Variants in FAM193A observed in about 807,000 individuals in gnomAD.
The protein encoded by FAM193A is protein FAM193A.
In FAM193A, 22 loss-of-function variants were observed where a neutral mutation model predicts 126.5. That is an observed-to-expected ratio of 0.17 (90% confidence interval 0.12 to 0.25). The LOEUF is 0.25. FAM193A is among the 10% of genes least tolerant of loss of function. FAM193A has a pLI of 1.00. For synonymous variants in FAM193A, 761 were observed against 646.8 expected (o/e 1.18, Z -2.68); for missense variants, 1,675 against 1,672.8 (o/e 1.00, Z -0.02).
chr4:2,693,033 T>G (rs1000834264), intron 15 of FAM193A, among the ~76,000 whole-genome samples: 1 of 151,468 alleles, frequency 6.6e-6, no homozygotes, highest in African/African-American at 2.4e-5. Flanking sequence ...TGAGACACTG[T>G]CTCTTAGAAA....
In FAM193A at chr4:2,626,465, G is replaced by A; in HGVS notation, c.691G>A (p.Glu231Lys). Residue 231 changes from glutamate (E) to lysine (K), a missense_variant, in exon 4 of 21, where the codon GAA becomes AAA. By Grantham distance (56) the Glu-to-Lys change is moderately conservative. Coordinates refer to ENST00000637812, the MANE Select transcript of FAM193A (RefSeq NM_001366318.2). ...EPQQLQNYWS[E>K]VRYTVRCIYR... ...TCAGCAGCTGCAGAACTACTGGTCA[G>A]AAGTGCGCTACACGGTGCGCTGCAT... 1.4e-6 allele frequency: 1 copy of A among 702,256 alleles called. No homozygotes were observed. The highest frequency in any genetic ancestry group is 2.6e-6 in the Non-Finnish European group (1 of 384,448). The allele number at this position is 702,256 out of a possible 1,614,324, so 43.5% of individuals were successfully genotyped here.
intron 1 of FAM193A, among the ~76,000 whole-genome samples, chr4:2,594,314 A>T (rs2108904117): frequency 6.6e-6 from 1 of 152,242 alleles, no homozygotes. Flanking sequence ...CCAATCCGTT[A>T]TGTACAGTGG....
At chr4:2,684,194 CCTT>C (rs1177261912) in intron 13 of FAM193A, among the ~76,000 whole-genome samples, 3 of 151,960 alleles carry the variant, frequency 2.0e-5, no homozygotes, top group East Asian at 3.8e-4. Context: ...TGTTGTTAGA[CCTT>C]CTTCTGTTCT....
intron 20 of FAM193A, among the ~76,000 whole-genome samples, chr4:2,718,017 C>G (rs900788775): frequency 1.3e-5 from 2 of 151,992 alleles, no homozygotes; most frequent in South Asian, 4.1e-4. Context: ...TGAAAACCTG[C>G]GGGATATCGA....
At chr4:2,646,183 T>C (rs1246176441) in intron 6 of FAM193A, among the ~76,000 whole-genome samples, 1 of 78,734 alleles carries the variant, frequency 1.3e-5, no homozygotes, top group Non-Finnish European at 2.7e-5. Context: ...TTTTTTTTTT[T>C]TTTTGAGACA....
chr4:2,696,683 A>ACCTCCTGTGGCT, intron 18 of FAM193A, 90 bp downstream of exon 18: 1 of 983,308 alleles, frequency 1.0e-6, no homozygotes, highest in Non-Finnish European at 1.5e-6. Flanking sequence ...GGGCTGAGCC[A>ACCTCCTGTGGCT]CAGGAGGTCG....
chr4:2,662,804 A>AT, intron 10 of FAM193A, 34 bp from the exon 11 acceptor site: 1 of 1,570,868 alleles, frequency 6.4e-7, no homozygotes, highest in Non-Finnish European at 8.7e-7. Flanking sequence ...TCACAATTGA[A>AT]TGACCTCACA....
intron 20 of FAM193A, among the ~76,000 whole-genome samples, chr4:2,725,730 A>AGG (rs766986759): frequency 5.3e-5 from 8 of 149,642 alleles, no homozygotes; most frequent in Non-Finnish European, 1.0e-4. Context: ...TTTTTTTTTA[A>AGG]GGCAATAGTC....
chr4:2,631,194 TTC>T, intron 5 of FAM193A, 25 bp downstream of exon 5: 1 of 1,582,424 alleles, frequency 6.3e-7, no homozygotes, highest in Non-Finnish European at 8.6e-7. Flanking sequence ...GTGTTTTTCT[TTC>T]TGTTTGGATG....
At chr4:2,641,691 C>T (rs1312752335) in intron 6 of FAM193A, among the ~76,000 whole-genome samples, 3 of 152,080 alleles carry the variant, frequency 2.0e-5, no homozygotes, top group Non-Finnish European at 2.9e-5. Context: ...AAAAAGAATA[C>T]GTGTATTGAC....
In FAM193A at chr4:2,630,923, T is replaced by C. The variant is rs1188543656; in HGVS notation, c.804-12T>C. On this transcript the variant is annotated splice_polypyrimidine_tract_variant and intron_variant, in intron 4 of 20. Coordinates refer to ENST00000637812, the MANE Select transcript of FAM193A (RefSeq NM_001366318.2). ...TGGTGGGCAGGCCCTGGTGACCCTCTTCTCTGTGCAGGCTCTGCGAGAGGG... is the reference window on the plus strand; with the variant it reads ...TGGTGGGCAGGCCCTGGTGACCCTCCTCTCTGTGCAGGCTCTGCGAGAGGG... 1 of 1,510,868 alleles carries C rather than the reference T, an allele frequency of 6.6e-7. No individual in the cohort carries two copies. The highest frequency in any genetic ancestry group is 1.7e-5 in the Admixed American group (1 of 59,032). 93.6% of individuals were successfully genotyped at this position (1,510,868 alleles called of 1,614,324 possible).
rs1283395493 is a variant in FAM193A at position 2,731,667 on chromosome 4, C to T, written c.4455-108C>T. ...CCTCACCGAGAATCTAAACCCCTGA[C>T]CCCGCAGTGAGTTTCTGGCAAGAAC... On this transcript the variant is annotated intron_variant, in intron 20 of 20. Transcript: ENST00000637812. The T allele has an allele frequency of 8.6e-6, 7 of 815,080 alleles. No homozygotes were observed. In the East Asian group the frequency reaches 9.8e-5, roughly 11 times the overall value. The allele number at this position is 815,080 out of a possible 1,614,324, so 50.5% of individuals were successfully genotyped here.
At chr4:2,710,379 TAGCC>T (rs1452397073) in intron 19 of FAM193A, among the ~76,000 whole-genome samples, 1 of 152,080 alleles carries the variant, frequency 6.6e-6, no homozygotes, top group African/African-American at 2.4e-5. Flanking sequence ...TTCACCATGT[TAGCC>T]AGGATGGTCT....
At position 2,689,644 on chromosome 4, in the gene FAM193A, T is replaced by G; in HGVS notation, c.2470T>G (p.Ser824Ala). The stretch of plus-strand genomic sequence containing the variant: ...TTCTAAATTTATAAGTCTTTGGGGA[T>G]CAGAAGTGATGAATGATAAGAACTG... The part of the protein sequence containing the change: ...NSSKFISLWG[S>A]EVMNDKNWNP... Residue 824 changes from serine (S) to alanine (A), a missense_variant, in exon 14 of 21, where the codon TCA becomes GCA. Physicochemically the swap from Ser to Ala is moderately conservative, Grantham distance 99 (BLOSUM62 1). Transcript: ENST00000637812. The G allele has an allele frequency of 6.3e-7, 1 of 1,576,236 alleles. No individual in the cohort carries two copies. Among genetic ancestry groups the G allele is most frequent in the Non-Finnish European group, 8.6e-7 (1 of 1,167,558 alleles).
At chr4:2,601,247 T>A (rs1456635728) in intron 2 of FAM193A, among the ~76,000 whole-genome samples, 5 of 145,216 alleles carry the variant, frequency 3.4e-5, no homozygotes, top group African/African-American at 1.3e-4. Context: ...TTTTTTTTTT[T>A]CCTGAGATGG....
At chr4:2,673,038 A>G (rs941503852) in intron 13 of FAM193A, among the ~76,000 whole-genome samples, 1 of 152,192 alleles carries the variant, frequency 6.6e-6, no homozygotes, top group African/African-American at 2.4e-5. Flanking sequence ...TATACTTAGT[A>G]TCTTAGACTT....
intron 2 of FAM193A, among the ~76,000 whole-genome samples, chr4:2,600,190 G>A (rs1224741618): frequency 4.6e-5 from 7 of 152,114 alleles, no homozygotes; most frequent in East Asian, 3.9e-4. Flanking sequence ...GAGCCACTGC[G>A]CCTGACCTGC....
intron 1 of FAM193A, among the ~76,000 whole-genome samples, chr4:2,557,609 A>G (rs1467555128): frequency 6.6e-6 from 1 of 152,162 alleles, no homozygotes; most frequent in Non-Finnish European, 1.5e-5. Flanking sequence ...ATTAATATTC[A>G]GATTTATAGT....
intron 7 of FAM193A, among the ~76,000 whole-genome samples, chr4:2,647,366 G>A (rs1296224070): frequency 2.6e-5 from 4 of 151,992 alleles, no homozygotes; most frequent in South Asian, 2.1e-4. Flanking sequence ...GGCTGGTCTC[G>A]AACTCCCGAC....
Sources: allele counts gnomAD v4.1 joint callset (sites outside exome capture counted in the v4.1 genomes callset), GRCh38; gene constraint gnomAD v4.1.1; transcripts MANE v1.5; gene names NCBI Gene and HGNC (gene_info 2026-07-23, HGNC 2026-07-21).